VCL: variants seen among roughly 807,000 people sequenced by gnomAD.
The protein encoded by VCL is epididymis luminal protein 114.
Under a neutral mutation model 125.7 loss-of-function variants are expected in VCL, and 47 were observed. The observed-to-expected ratio is 0.37, with a 90% confidence interval of 0.30 to 0.48. The LOEUF is 0.48. Ranked by LOEUF, VCL falls within the 20% of genes least tolerant of loss-of-function variation. The pLI is 0.99. For missense variants in VCL, 1,069 were observed against 1,455.5 expected (o/e 0.73, Z 4.32); for synonymous variants, 458 against 514.6 (o/e 0.89, Z 1.49).
chr10:74,096,149 A>ACTT lies in VCL; in HGVS notation c.1743+295_1743+297dup, dbSNP rs59287851. 0.71 allele frequency among the ~76,000 whole-genome samples: 104,480 copies of ACTT among 146,426 alleles called. 37,663 individuals are homozygous for ACTT. Among genetic ancestry groups the ACTT allele is most frequent in the Middle Eastern group, 0.83 (237 of 284 alleles). Reference sequence around the variant, plus strand: ...TTAGCCAATATTTTTCTTAAAATGGACTTTTTTTTTTTTTTTAAATGGACT... The same window carrying ACTT: ...TTAGCCAATATTTTTCTTAAAATGGACTTCTTTTTTTTTTTTTTTAAATGGACT... On this transcript the variant is annotated intron_variant, in intron 12 of 21. Coordinates refer to ENST00000211998, the MANE Select transcript of VCL (RefSeq NM_014000.3).
At chr10:74,109,774 A>G (rs1264018091) in intron 18 of VCL, among the ~76,000 whole-genome samples, 3 of 152,098 alleles carry the variant, frequency 2.0e-5, no homozygotes, top group Non-Finnish European at 4.4e-5. Flanking sequence ...ACTTTTGCCT[A>G]TTTTCCCCTA....
At chr10:74,104,408 A>C (rs1342464271) in intron 15 of VCL, among the ~76,000 whole-genome samples, 2 of 152,164 alleles carry the variant, frequency 1.3e-5, no homozygotes, top group African/African-American at 4.8e-5. Context: ...AACCACCAGC[A>C]AACCTGTGTC....
intron 1 of VCL, among the ~76,000 whole-genome samples, chr10:73,999,397 G>T (rs979260463): frequency 6.6e-6 from 1 of 152,142 alleles, no homozygotes; most frequent in Non-Finnish European, 1.5e-5. Context: ...GCCCACGTCT[G>T]AAATGGGAAA....
At chr10:74,117,924 C>T (rs970466748) in intron 21 of VCL, 99 bp from the exon 22 acceptor site, 24 of 1,511,820 alleles carry the variant, frequency 1.6e-5, no homozygotes, top group Non-Finnish European at 2.0e-5. Flanking sequence ...TGCCAGGTAC[C>T]AGTGGGGTTA....
intron 20 of VCL, 65 bp downstream of exon 20, chr10:74,114,452 T>C (rs1840282150): frequency 3.2e-6 from 5 of 1,547,474 alleles, no homozygotes; most frequent in Non-Finnish European, 4.4e-6. Flanking sequence ...TGTGTGTGTG[T>C]TGGAGGGGAG....
At chr10:74,052,978 T>A (rs957698116) in intron 2 of VCL, among the ~76,000 whole-genome samples, 9 of 150,558 alleles carry the variant, frequency 6.0e-5, no homozygotes, top group African/African-American at 2.2e-4. Context: ...GTGCTGAATT[T>A]AATTTGCTAA....
intron 13 of VCL, among the ~76,000 whole-genome samples, chr10:74,100,028 C>T (rs1311760983): frequency 6.6e-6 from 1 of 152,198 alleles, no homozygotes; most frequent in African/African-American, 2.4e-5. Flanking sequence ...GGACGCATTC[C>T]ACTAGGCAGC....
At chr10:74,112,216 G>C in intron 19 of VCL, 104 bp downstream of exon 19, 3 of 1,443,018 alleles carry the variant, frequency 2.1e-6, no homozygotes, top group Non-Finnish European at 2.9e-6. Context: ...CTGTGAGTCT[G>C]AGCAGGGCGG....
At chr10:74,040,462 C>T (rs138826288) in intron 1 of VCL, among the ~76,000 whole-genome samples, 2 of 152,318 alleles carry the variant, frequency 1.3e-5, no homozygotes, top group Non-Finnish European at 2.9e-5. Flanking sequence ...AGGAATCTCT[C>T]TGTGTCTTAA....
Position 73,998,207 on chromosome 10 carries a change from G to T in VCL, c.-1G>T. 6.2e-7 allele frequency: 1 copy of T among 1,612,098 alleles called. No homozygotes were observed. The highest frequency in any genetic ancestry group is 1.3e-5 in the African/African-American group (1 of 75,004). On this transcript the variant is annotated 5_prime_UTR_variant, in exon 1 of 22. Transcript: ENST00000211998. ...GGTTCGCCGCCCCGCTCGCCGCCGC[G>T]ATGCCAGTGTTTCATACGCGCACGA...
intron 9 of VCL, 64 bp downstream of exon 9, chr10:74,089,413 CCTAT>C: frequency 6.2e-7 from 1 of 1,600,560 alleles, no homozygotes; most frequent in Non-Finnish European, 8.5e-7. Context: ...TCATAAATAT[CCTAT>C]CTTTCTTCTC....
At chr10:74,079,538 G>A (rs941075438) in intron 6 of VCL, among the ~76,000 whole-genome samples, 24 of 152,098 alleles carry the variant, frequency 1.6e-4, no homozygotes, top group African/African-American at 5.8e-4. Context: ...CTGACCACAA[G>A]GGTTACGATT....
intron 1 of VCL, among the ~76,000 whole-genome samples, chr10:74,004,709 CTT>C (rs576904532): frequency 3.4e-5 from 5 of 145,216 alleles, no homozygotes; most frequent in African/African-American, 5.0e-5. Flanking sequence ...CTTTTCTTTT[CTT>C]TTTTTTTTTT....
intron 1 of VCL, among the ~76,000 whole-genome samples, chr10:74,028,393 CTTT>C (rs1159824812): frequency 1.1e-4 from 13 of 121,720 alleles, no homozygotes; most frequent in Non-Finnish European, 1.0e-4. Context: ...CTTAAGTAAT[CTTT>C]TTTTTTTTTT....
intron 1 of VCL, among the ~76,000 whole-genome samples, chr10:74,007,197 T>TCCTGAACAGCCTGAACCTCCTGCCAGGC (rs1361371701): frequency 6.6e-6 from 1 of 152,196 alleles, no homozygotes; most frequent in Non-Finnish European, 1.5e-5. Flanking sequence ...CAGGCTGTTC[T>TCCTGAACAGCCTGAACCTCCTGCCAGGC]TGAACTCCTG....
At chr10:74,093,228 C>T (rs887300600) in intron 10 of VCL, among the ~76,000 whole-genome samples, 2 of 151,988 alleles carry the variant, frequency 1.3e-5, no homozygotes, top group African/African-American at 4.8e-5. Flanking sequence ...ACCCGAGAGG[C>T]AGAGGTTGCA....
At chr10:74,009,205 G>A (rs994880160) in intron 1 of VCL, among the ~76,000 whole-genome samples, 15 of 136,950 alleles carry the variant, frequency 1.1e-4, no homozygotes, top group Middle Eastern at 3.8e-3. Context: ...TTGTCTAGGT[G>A]GCTGCTGCTT....
At chr10:74,039,963 C>T (rs1591667134) in intron 1 of VCL, among the ~76,000 whole-genome samples, 1 of 152,186 alleles carries the variant, frequency 6.6e-6, no homozygotes, top group East Asian at 1.9e-4. Flanking sequence ...GGTTCAGCCA[C>T]TCTGGCCTCT....
At chr10:74,112,408 C>T (rs1840240267) in intron 19 of VCL, among the ~76,000 whole-genome samples, 1 of 152,176 alleles carries the variant, frequency 6.6e-6, no homozygotes, top group Non-Finnish European at 1.5e-5. Flanking sequence ...CCTTGGGAAG[C>T]CGTGAATGCA....
Sources: allele counts gnomAD v4.1 joint callset (sites outside exome capture counted in the v4.1 genomes callset), GRCh38; gene constraint gnomAD v4.1.1; transcripts MANE v1.5; gene names NCBI Gene and HGNC (gene_info 2026-07-23, HGNC 2026-07-21).